TRAF5: variants seen among roughly 807,000 people sequenced by gnomAD.
TRAF5 encodes TNF receptor-associated factor 5.
A neutral mutation model predicts 64.5 loss-of-function variants in TRAF5; 48 were observed. That is an observed-to-expected ratio of 0.74 (90% confidence interval 0.59 to 0.95). The LOEUF is 0.95. Among genes scored for constraint, TRAF5 ranks in the 40% least tolerant of loss-of-function variants. TRAF5 has a pLI of 0.00. For missense variants in TRAF5, 545 were observed against 662.8 expected (o/e 0.82, Z 1.95); for synonymous variants, 206 against 240.5 (o/e 0.86, Z 1.33).
chr1:211,361,614 C>T (rs1289196189), intron 7 of TRAF5, among the ~76,000 whole-genome samples: 1 of 151,574 alleles, frequency 6.6e-6, no homozygotes, highest in Non-Finnish European at 1.5e-5. Context: ...AACATATAGA[C>T]TTGTTTTGAG....
At chr1:211,350,832 C>T (rs1043293145) in intron 1 of TRAF5, among the ~76,000 whole-genome samples, 1 of 152,106 alleles carries the variant, frequency 6.6e-6, no homozygotes, top group Non-Finnish European at 1.5e-5. Context: ...TTCCGGGCTG[C>T]AGACTTAACT....
At chr1:211,330,504 A>G (rs960949157) in intron 1 of TRAF5, among the ~76,000 whole-genome samples, 11 of 150,984 alleles carry the variant, frequency 7.3e-5, no homozygotes, top group African/African-American at 2.7e-4. Context: ...CCTCCCACAG[A>G]CTTCTTCCCT....
Position 211,372,285 on chromosome 1 carries a change from G to A in TRAF5, c.1257G>A (p.Glu419=). 1 of 1,614,138 alleles carries A rather than the reference G, an allele frequency of 6.2e-7. No individual in the cohort carries two copies. Among genetic ancestry groups the A allele is most frequent in the Non-Finnish European group, 8.5e-7 (1 of 1,180,014 alleles). ...CAGATTACAAGATGAAGAAGAGAGA[G>A]GCGGTGGATGGGCACACAGTGTCCA... ...KVTDYKMKKR[E]AVDGHTVSIF... Residue 419 remains glutamate (E), a synonymous_variant, in exon 11 of 11, where the codon GAG becomes GAA. Coordinates refer to ENST00000261464, the MANE Select transcript of TRAF5 (RefSeq NM_001033910.3).
chr1:211,367,570 AAG>A (rs987553455), intron 8 of TRAF5, among the ~76,000 whole-genome samples: 1 of 152,214 alleles, frequency 6.6e-6, no homozygotes, highest in African/African-American at 2.4e-5. Context: ...GTGGACTGGA[AAG>A]AGAGAGAGTA....
chr1:211,337,465 C>T (rs1222283324), intron 1 of TRAF5, among the ~76,000 whole-genome samples: 1 of 152,186 alleles, frequency 6.6e-6, no homozygotes, highest in Non-Finnish European at 1.5e-5. Context: ...GGGCCCTGAC[C>T]TCTAAGGACA....
At chr1:211,343,051 TG>T (rs1299429912) in intron 1 of TRAF5, among the ~76,000 whole-genome samples, 1 of 152,238 alleles carries the variant, frequency 6.6e-6, no homozygotes, top group Non-Finnish European at 1.5e-5. Context: ...TTTAGTTTTC[TG>T]AGGAACCTCC....
intron 4 of TRAF5, chr1:211,359,646 C>G: frequency 2.6e-6 from 1 of 384,958 alleles, no homozygotes; most frequent in Non-Finnish European, 4.7e-6. Flanking sequence ...GTGTACTTCC[C>G]TCTTCACCTA....
chr1:211,365,113 C>T (rs1289685178), intron 7 of TRAF5, among the ~76,000 whole-genome samples: 9 of 151,814 alleles, frequency 5.9e-5, no homozygotes, highest in African/African-American at 1.9e-4. Context: ...GCAGAGTCTG[C>T]AGTGAGCCAA....
intron 9 of TRAF5, among the ~76,000 whole-genome samples, chr1:211,370,622 A>G (rs1366286043): frequency 2.0e-5 from 3 of 152,214 alleles, no homozygotes; most frequent in Non-Finnish European, 4.4e-5. Context: ...TACCTTAAAC[A>G]TGCTCAGAAC....
chr1:211,369,753 C>T (rs547947945), intron 9 of TRAF5, among the ~76,000 whole-genome samples, 161 bp downstream of exon 9: 2 of 152,302 alleles, frequency 1.3e-5, no homozygotes, highest in African/African-American at 4.8e-5. Context: ...CTGATTCACT[C>T]ATGGCCAACA....
chr1:211,347,313 C>T (rs1001041698), intron 1 of TRAF5, among the ~76,000 whole-genome samples: 3 of 152,180 alleles, frequency 2.0e-5, no homozygotes, highest in African/African-American at 7.2e-5. Context: ...CTGTTGGGCT[C>T]TCTCATGTCA....
chr1:211,326,852 G>A lies in TRAF5; in HGVS notation c.-39G>A. ...GCAGCCAGGAGCAGCAGCCGCGCCTGCAGACCGGCCTCGCGGAGCCCGCGC... is the reference window on the plus strand; with the variant it reads ...GCAGCCAGGAGCAGCAGCCGCGCCTACAGACCGGCCTCGCGGAGCCCGCGC... On this transcript the variant is annotated 5_prime_UTR_variant, in exon 1 of 11. Transcript: ENST00000261464. This position sits in a 1 kb window ranked among gnomAD's most constrained non-coding sequence, Gnocchi z 5.0. The A allele has an allele frequency of 1.0e-6, 1 of 984,822 alleles. No individual in the cohort carries two copies. The highest frequency in any genetic ancestry group is 1.2e-6 in the Non-Finnish European group (1 of 829,552). The allele number at this position is 984,822 out of a possible 1,614,324, so 61.0% of individuals were successfully genotyped here.
chr1:211,372,002 A>G (rs3738199), intron 10 of TRAF5, 126 bp from the exon 11 acceptor site: 312,613 of 794,598 alleles, frequency 0.39, 63,533 homozygotes, highest in African/African-American at 0.57. Flanking sequence ...AAATGAATTC[A>G]GCTCATCTTT....
At chr1:211,360,946 A>G in intron 6 of TRAF5, 142 bp from the exon 7 acceptor site, 2 of 1,010,806 alleles carry the variant, frequency 2.0e-6, no homozygotes, top group Admixed American at 2.1e-5. Context: ...ACTCTCTTCA[A>G]CTTTCATCAT....
chr1:211,353,803 C>T (rs1702872333), intron 2 of TRAF5, among the ~76,000 whole-genome samples: 3 of 152,194 alleles, frequency 2.0e-5, no homozygotes, highest in African/African-American at 7.2e-5. Context: ...TGCCTTGAGG[C>T]AGAGGTGCTG....
chr1:211,340,044 A>C (rs149829748), intron 1 of TRAF5, among the ~76,000 whole-genome samples: 3 of 152,296 alleles, frequency 2.0e-5, no homozygotes, highest in African/African-American at 4.8e-5. Context: ...ACGGTTTCTA[A>C]ATACTCATTG....
intron 5 of TRAF5, 142 bp downstream of exon 5, chr1:211,360,218 GAGA>G (rs1703131093): frequency 1.1e-6 from 1 of 878,462 alleles, no homozygotes; most frequent in African/African-American, 1.7e-5. Flanking sequence ...GCTTTTTGGA[GAGA>G]AGTTCTGTGA....
chr1:211,364,708 C>CAAAG (rs1553272026), intron 7 of TRAF5, among the ~76,000 whole-genome samples: 1 of 150,980 alleles, frequency 6.6e-6, no homozygotes, highest in African/African-American at 2.4e-5. Flanking sequence ...AACAAACAAA[C>CAAAG]AAAACTGATT....
chr1:211,359,127 A>G (rs1558143554), intron 4 of TRAF5: 1 of 151,816 alleles, frequency 6.6e-6, no homozygotes, highest in East Asian at 1.9e-4. Flanking sequence ...AAAAAAAAAA[A>G]TTGTGGAGAC....
Sources: gnomAD v4.1 joint callset for allele counts (sites outside exome capture counted in the v4.1 genomes callset) on GRCh38, gnomAD v4.1.1 for gene constraint, Gnocchi (gnomAD v3.1) non-coding constraint, MANE v1.5 for transcripts, NCBI Gene and HGNC (gene_info 2026-07-23, HGNC 2026-07-21) for gene names.